The following GPC6 variants were observed in gnomAD, a reference collection of about 807,000 sequenced individuals.
The protein encoded by GPC6 is glypican 6, also known as glypican-6.
In GPC6, 14 loss-of-function variants were observed where a neutral mutation model predicts 55.2. The observed-to-expected ratio is 0.25, with a 90% CI of 0.17 to 0.40. The LOEUF is 0.40. GPC6 is among the 10% of genes least tolerant of loss of function. The pLI, the probability that GPC6 is intolerant of heterozygous loss-of-function variation, is 1.00. For missense variants in GPC6, 641 were observed against 708.5 expected (o/e 0.90, Z 1.08); for synonymous variants, 278 against 259.6 (o/e 1.07, Z -0.68).
chr13:93,955,358 C>T (rs576278705), intron 3 of GPC6, among the ~76,000 whole-genome samples: 6 of 151,640 alleles, frequency 4.0e-5, no homozygotes, highest in African/African-American at 9.7e-5. Flanking sequence ...AGCAAACTTT[C>T]CCCAAATGCA....
At chr13:93,384,959 G>A (rs547036890) in intron 1 of GPC6, among the ~76,000 whole-genome samples, 1 of 152,360 alleles carries the variant, frequency 6.6e-6, no homozygotes, top group African/African-American at 2.4e-5. Flanking sequence ...GGAAGCAGAT[G>A]TGGTAACTGC....
chr13:93,975,005 C>T (rs930608622), intron 3 of GPC6, among the ~76,000 whole-genome samples: 1 of 152,158 alleles, frequency 6.6e-6, no homozygotes, highest in Admixed American at 6.6e-5. Context: ...CTCTTACCTA[C>T]AATGCTAGTG....
chr13:93,331,299 T>C (rs1256917885), intron 1 of GPC6, among the ~76,000 whole-genome samples: 1 of 151,948 alleles, frequency 6.6e-6, no homozygotes, highest in Non-Finnish European at 1.5e-5. Flanking sequence ...ATTGTACTTA[T>C]CTTTTGTGTA....
intron 2 of GPC6, among the ~76,000 whole-genome samples, chr13:93,576,075 T>C (rs988233849): frequency 2.0e-5 from 3 of 152,204 alleles, no homozygotes; most frequent in African/African-American, 7.2e-5. Flanking sequence ...TTGTATATGC[T>C]TCTTTCCCCT....
intron 6 of GPC6, among the ~76,000 whole-genome samples, chr13:94,379,416 A>G (rs1044897595): frequency 6.6e-6 from 1 of 152,192 alleles, no homozygotes; most frequent in African/African-American, 2.4e-5. Context: ...AGCTACTGAA[A>G]TGCCAGAGGG....
chr13:93,634,807 G>A (rs920124169), intron 2 of GPC6, among the ~76,000 whole-genome samples: 4 of 152,130 alleles, frequency 2.6e-5, no homozygotes, highest in Non-Finnish European at 5.9e-5. Flanking sequence ...GTGCAGAACA[G>A]TGTTATGTGG....
intron 6 of GPC6, among the ~76,000 whole-genome samples, chr13:94,309,581 A>G (rs181942049): frequency 4.6e-4 from 70 of 152,312 alleles, no homozygotes; most frequent in Middle Eastern, 6.8e-3. Flanking sequence ...TTGCTCCTCT[A>G]AAGTTATATA....
the GPC6 span, among the ~76,000 whole-genome samples, chr13:93,219,590 A>AT: frequency 1.4e-4 from 21 of 152,002 alleles, no homozygotes; most frequent in Middle Eastern, 3.4e-3. Flanking sequence ...TTTCACTCTA[A>AT]TTTTTTTTGC....
intron 2 of GPC6, among the ~76,000 whole-genome samples, chr13:93,805,392 G>C (rs1489541060): frequency 6.6e-6 from 1 of 152,096 alleles, no homozygotes; most frequent in East Asian, 1.9e-4. Context: ...AATTAATCAT[G>C]ATGGGTGGAG....
intron 1 of GPC6, among the ~76,000 whole-genome samples, chr13:93,515,749 C>T (rs1290425486): frequency 6.6e-6 from 1 of 152,224 alleles, no homozygotes; most frequent in East Asian, 1.9e-4. Flanking sequence ...TGCTCTTGCT[C>T]TCAAGTATCT....
chr13:93,418,914 T>C (rs1322321552), intron 1 of GPC6, among the ~76,000 whole-genome samples: 2 of 151,238 alleles, frequency 1.3e-5, no homozygotes, highest in Non-Finnish European at 3.0e-5. Context: ...CATAGTATTA[T>C]TTTATTAATA....
At chr13:94,120,971 A>C (rs1886609960) in intron 4 of GPC6, among the ~76,000 whole-genome samples, 2 of 152,104 alleles carry the variant, frequency 1.3e-5, no homozygotes, top group Admixed American at 6.6e-5. Flanking sequence ...GATCTCTGTT[A>C]AAATGTCTGA....
At chr13:94,226,445 A>C (rs1890560530) in intron 4 of GPC6, among the ~76,000 whole-genome samples, 1 of 152,148 alleles carries the variant, frequency 6.6e-6, no homozygotes, top group Admixed American at 6.5e-5. Context: ...ATTTCCACAA[A>C]GAAACGATAA....
chr13:93,733,749 A>AT (rs1176041212), intron 2 of GPC6, among the ~76,000 whole-genome samples: 1 of 152,132 alleles, frequency 6.6e-6, no homozygotes, highest in African/African-American at 2.4e-5. Context: ...ACCAAGGGCA[A>AT]GTAATGGCAG....
chr13:94,042,062 T>C (rs1368246498), intron 4 of GPC6, among the ~76,000 whole-genome samples: 2 of 151,950 alleles, frequency 1.3e-5, no homozygotes, highest in Non-Finnish European at 2.9e-5. Context: ...TCATGAATGG[T>C]TTAACACCAT....
intron 1 of GPC6, among the ~76,000 whole-genome samples, chr13:93,510,131 G>A (rs140133371): frequency 8.5e-4 from 130 of 152,148 alleles, no homozygotes; most frequent in African/African-American, 2.8e-3. Context: ...ATAATTTTAT[G>A]GGTTTTTGTG....
intron 1 of GPC6, among the ~76,000 whole-genome samples, chr13:93,469,952 G>A (rs1425478010): frequency 6.6e-6 from 1 of 151,986 alleles, no homozygotes; most frequent in African/African-American, 2.4e-5. Context: ...TTATTTCTGT[G>A]TTCCTTATTT....
At chr13:94,247,852 G>T (rs1891242583) in intron 4 of GPC6, among the ~76,000 whole-genome samples, 1 of 151,764 alleles carries the variant, frequency 6.6e-6, no homozygotes. Flanking sequence ...AGAGATGGGG[G>T]TCTCGCTGTT....
At chr13:94,321,242 C>T (rs892622905) in intron 6 of GPC6, among the ~76,000 whole-genome samples, 92 of 152,182 alleles carry the variant, frequency 6.0e-4, no homozygotes, top group Non-Finnish European at 3.4e-4. Context: ...CTGCAAAATA[C>T]ATGACCTCAT....
Sources: gnomAD v4.1 joint callset for allele counts (sites outside exome capture counted in the v4.1 genomes callset) on GRCh38, gnomAD v4.1.1 for gene constraint, MANE v1.5 for transcripts, NCBI Gene and HGNC (gene_info 2026-07-23, HGNC 2026-07-21) for gene names.